ELFN2: variants seen among roughly 807,000 people sequenced by gnomAD.
ELFN2 encodes protein phosphatase 1 regulatory subunit 29.
In ELFN2, 17 loss-of-function variants were observed where a neutral mutation model predicts 45.5. The observed-to-expected ratio is 0.37, with a 90% CI of 0.26 to 0.56. ELFN2 has a LOEUF of 0.56. Ranked by LOEUF, ELFN2 falls within the 20% of genes least tolerant of loss-of-function variation. The pLI is 0.77. For synonymous variants in ELFN2, 550 were observed against 551.5 expected (o/e 1.00, Z 0.04); for missense variants, 922 against 1,183.2 (o/e 0.78, Z 3.24).
At chr22:37,396,026 C>T (rs1932205850) in intron 2 of ELFN2, among the ~76,000 whole-genome samples, 1 of 152,206 alleles carries the variant, frequency 6.6e-6, no homozygotes, top group Non-Finnish European at 1.5e-5. Context: ...CACCGGAGGG[C>T]TGGAGACCCC....
rs1042377366 is a variant in ELFN2 at position 37,421,502 on chromosome 22, G to A, written c.-613-3583C>T. ...GGTCACAAAGGGACAAGAATCACCT[G>A]TCAAGCAAGCCCTACTGTGTGCAGA... On this transcript the variant is annotated intron_variant, in intron 1 of 2. Transcript: ENST00000402918. 4.6e-5 allele frequency among the ~76,000 whole-genome samples: 7 copies of A among 152,302 alleles called. No homozygotes were observed. The East Asian group carries it at 1.2e-3, about 25-fold the overall frequency.
At chr22:37,378,028 C>T (rs543122248) in intron 2 of ELFN2, among the ~76,000 whole-genome samples, 2 of 152,336 alleles carry the variant, frequency 1.3e-5, no homozygotes, top group South Asian at 2.1e-4. Flanking sequence ...CCCTCGTCTG[C>T]TCCAATGCAG....
In ELFN2 at chr22:37,368,284, A is replaced by AAGGG. The variant is rs1311707803; in HGVS notation, c.*4784_*4787dup. 4 of 152,276 alleles carry AAGGG rather than the reference A, an allele frequency of 2.6e-5. No homozygotes were observed. Among genetic ancestry groups the AAGGG allele is most frequent in the African/African-American group, 9.7e-5 (4 of 41,424 alleles). 9.4% of individuals were successfully genotyped at this position (152,276 alleles called of 1,614,324 possible). Reference sequence around the variant, plus strand: ...ACTTGGGGACTGGCGGCTCCTGAGGAAGGGAGGGAGGGAGGGAAGTGTGGC... The same window carrying AAGGG: ...ACTTGGGGACTGGCGGCTCCTGAGGAAGGGAGGGAGGGAGGGAGGGAAGTGTGGC... On this transcript the variant is annotated 3_prime_UTR_variant, in exon 3 of 3. Coordinates refer to ENST00000402918, the MANE Select transcript of ELFN2 (RefSeq NM_052906.5).
Position 37,369,666 on chromosome 22 carries a change from A to G in ELFN2, c.*3406T>C, listed in dbSNP as rs1436323992. On this transcript the variant is annotated 3_prime_UTR_variant, in exon 3 of 3. Coordinates refer to ENST00000402918, the MANE Select transcript of ELFN2 (RefSeq NM_052906.5). ...GCTGTGCCCTCCCAGGAAGGAGCAG[A>G]CCCATTGTGCTACTTCCCAGAAACA... 6.6e-6 allele frequency: 1 copy of G among 152,338 alleles called. No individual in the cohort carries two copies. Among genetic ancestry groups the G allele is most frequent in the Non-Finnish European group, 1.5e-5 (1 of 68,138 alleles). 9.4% of individuals were successfully genotyped at this position (152,338 alleles called of 1,614,324 possible).
chr22:37,396,464 A>T (rs550157502), intron 2 of ELFN2, among the ~76,000 whole-genome samples: 11 of 152,218 alleles, frequency 7.2e-5, no homozygotes, highest in African/African-American at 2.6e-4. Flanking sequence ...GGGTGCCAGG[A>T]TCCCCCAGCG....
At chr22:37,343,385 A>G (rs980418846) in intron 1 of ELFN2, among the ~76,000 whole-genome samples, 1 of 151,982 alleles carries the variant, frequency 6.6e-6, no homozygotes. Flanking sequence ...AGAGATGGGC[A>G]CTACACCCTC....
chr22:37,341,970 C>G (rs1221761417), intron 2 of ELFN2, among the ~76,000 whole-genome samples: 1 of 152,110 alleles, frequency 6.6e-6, no homozygotes, highest in Non-Finnish European at 1.5e-5. Context: ...CCTGGCTCAC[C>G]CACTCATCAC....
At chr22:37,397,240 C>T (rs4821664) in intron 2 of ELFN2, among the ~76,000 whole-genome samples, 35,544 of 152,100 alleles carry the variant, frequency 0.23, 4,364 homozygotes, top group South Asian at 0.42. Context: ...CCAGGAAGCA[C>T]GGCGTGCCCC....
intron 2 of ELFN2, among the ~76,000 whole-genome samples, chr22:37,381,971 A>G (rs1931791050): frequency 7.0e-6 from 1 of 143,690 alleles, no homozygotes. Context: ...AAAAAAAAAA[A>G]AAAAAAAAAA....
chr22:37,378,229 G>A (rs1931637166), intron 2 of ELFN2, among the ~76,000 whole-genome samples: 1 of 152,234 alleles, frequency 6.6e-6, no homozygotes, highest in African/African-American at 2.4e-5. Context: ...AGGAAGGTAT[G>A]TGTGTCGGGG....
intron 1 of ELFN2, among the ~76,000 whole-genome samples, chr22:37,350,982 C>T (rs1003646097): frequency 6.7e-6 from 1 of 150,356 alleles, no homozygotes; most frequent in Non-Finnish European, 1.5e-5. Context: ...CTCAGTGGGC[C>T]GCGGGACCCC....
At chr22:37,399,812 C>T (rs1487314604) in intron 2 of ELFN2, among the ~76,000 whole-genome samples, 1 of 152,210 alleles carries the variant, frequency 6.6e-6, no homozygotes, top group Non-Finnish European at 1.5e-5. Flanking sequence ...TCACCTCCCA[C>T]CTCACTCACT....
intron 2 of ELFN2, among the ~76,000 whole-genome samples, chr22:37,397,505 T>A (rs1227130333): frequency 1.3e-5 from 2 of 152,132 alleles, no homozygotes; most frequent in Non-Finnish European, 2.9e-5. Context: ...ATGCTGGCCC[T>A]GCCCACAGGA....
In ELFN2 at chr22:37,387,048, G is replaced by A. The variant is rs1166602686; in HGVS notation, c.-462-11052C>T. 5.9e-5 allele frequency among the ~76,000 whole-genome samples: 9 copies of A among 152,326 alleles called. No individual in the cohort carries two copies. The East Asian group carries it at 1.2e-3, about 20-fold the overall frequency. ...GCAGGTATCGCTGTGAGGGTCTGGC[G>A]CGTGGCACCGTGGCACACGCCAGGC... On this transcript the variant is annotated intron_variant, in intron 2 of 2. Coordinates refer to ENST00000402918, the MANE Select transcript of ELFN2 (RefSeq NM_052906.5).
intron 2 of ELFN2, among the ~76,000 whole-genome samples, chr22:37,394,808 A>G (rs1932170347): frequency 6.6e-6 from 1 of 152,206 alleles, no homozygotes; most frequent in Admixed American, 6.5e-5. Flanking sequence ...CAGGGTGTCA[A>G]GATAAAGATC....
In ELFN2 at chr22:37,373,212, G is replaced by C. The variant is rs534286121; in HGVS notation, c.2323C>G (p.Pro775Ala). Reference sequence around the variant, plus strand: ...TCCTCCCGGTGGTGCTTCTTGTAGGGCCGGAAGCGCTCCCAGATCTTGTGC... The same window carrying C: ...TCCTCCCGGTGGTGCTTCTTGTAGGCCCGGAAGCGCTCCCAGATCTTGTGC... ...STHKIWERFR[P>A]YKKHHREEVY... Residue 775 changes from proline (P) to alanine (A), a missense_variant, in exon 3 of 3, where the codon CCC becomes GCC. Coordinates refer to ENST00000402918, the MANE Select transcript of ELFN2 (RefSeq NM_052906.5). 3.7e-6 allele frequency: 6 copies of C among 1,613,778 alleles called. No homozygotes were observed. The highest frequency in any genetic ancestry group is 1.6e-4 in the Middle Eastern group (1 of 6,062).
At chr22:37,410,322 C>T (rs1042527425) in intron 2 of ELFN2, among the ~76,000 whole-genome samples, 5 of 152,194 alleles carry the variant, frequency 3.3e-5, no homozygotes, top group African/African-American at 1.2e-4. Context: ...AGTGAAAGTG[C>T]CCAAGAGGAA....
At chr22:37,358,399 C>A (rs138240723) in intron 1 of ELFN2, among the ~76,000 whole-genome samples, 25 of 152,340 alleles carry the variant, frequency 1.6e-4, no homozygotes, top group African/African-American at 6.0e-4. Flanking sequence ...GGTCCAGGTC[C>A]GCCGGGGCGA....
intron 2 of ELFN2, among the ~76,000 whole-genome samples, chr22:37,388,953 G>A (rs532740730): frequency 2.5e-4 from 38 of 152,368 alleles, no homozygotes; most frequent in Admixed American, 7.2e-4. Flanking sequence ...TCCCCAGGAT[G>A]GGAGAGGTCA....
Sources: allele counts gnomAD v4.1 joint callset (sites outside exome capture counted in the v4.1 genomes callset), GRCh38; gene constraint gnomAD v4.1.1; transcripts MANE v1.5; gene names NCBI Gene and HGNC (gene_info 2026-07-23, HGNC 2026-07-21).